The following MLLT3 variants were observed in gnomAD, a reference collection of about 807,000 sequenced individuals.
The protein encoded by MLLT3 is MLLT3 super elongation complex subunit.
MLLT3 carries 4 observed loss-of-function variants against 53.2 expected under a neutral mutation model. That is an observed-to-expected ratio of 0.08 (90% CI 0.04 to 0.17). The LOEUF is 0.17. Among genes scored for constraint, MLLT3 ranks in the 10% least tolerant of loss-of-function variants. MLLT3 has a pLI of 1.00. For synonymous variants in MLLT3, 283 were observed against 230.6 expected, an observed-to-expected ratio of 1.23 and a Z score of -2.06; for missense variants, 569 against 684.0, an observed-to-expected ratio of 0.83 and a Z score of 1.87.
At chr9:20,420,040 G>A (rs1371493062) in intron 4 of MLLT3, among the ~76,000 whole-genome samples, 1 of 152,118 alleles carries the variant, frequency 6.6e-6, no homozygotes, top group Non-Finnish European at 1.5e-5. Flanking sequence ...GAAAGAAAGT[G>A]CTGGTATCTT....
At chr9:20,510,885 C>T (rs953264784) in intron 2 of MLLT3, among the ~76,000 whole-genome samples, 2 of 152,100 alleles carry the variant, frequency 1.3e-5, no homozygotes, top group Non-Finnish European at 2.9e-5. Context: ...GAATGCTTTG[C>T]CATTACTGCT....
intron 2 of MLLT3, among the ~76,000 whole-genome samples, chr9:20,465,537 T>A (rs1249225791): frequency 6.6e-6 from 1 of 152,094 alleles, no homozygotes; most frequent in Non-Finnish European, 1.5e-5. Flanking sequence ...TATAAAATAA[T>A]CAAATATAAT....
chr9:20,566,001 T>C (rs1199118166), intron 2 of MLLT3, among the ~76,000 whole-genome samples: 1 of 132,502 alleles, frequency 7.5e-6, no homozygotes. Flanking sequence ...TATATTTATT[T>C]ATATATATAT....
chr9:20,460,261 T>C (rs867190253), intron 2 of MLLT3, among the ~76,000 whole-genome samples: 1 of 152,186 alleles, frequency 6.6e-6, no homozygotes, highest in Non-Finnish European at 1.5e-5. Flanking sequence ...TTCCTCTTGA[T>C]TGTTCAAGAA....
At chr9:20,609,597 G>C (rs1281601501) in intron 2 of MLLT3, among the ~76,000 whole-genome samples, 1 of 152,118 alleles carries the variant, frequency 6.6e-6, no homozygotes, top group Non-Finnish European at 1.5e-5. Flanking sequence ...GCATGGTCAA[G>C]AGCCATAATT....
intron 2 of MLLT3, among the ~76,000 whole-genome samples, chr9:20,535,236 T>C (rs558158528): frequency 7.2e-5 from 11 of 152,196 alleles, no homozygotes; most frequent in Non-Finnish European, 1.3e-4. Flanking sequence ...ATCTTGGTTG[T>C]GCACTCCTTA....
intron 2 of MLLT3, among the ~76,000 whole-genome samples, chr9:20,604,879 C>T (rs1414019009): frequency 6.6e-6 from 1 of 152,092 alleles, no homozygotes; most frequent in Non-Finnish European, 1.5e-5. Flanking sequence ...CTTTTATTCA[C>T]ATATATGGCC....
chr9:20,395,333 T>G (rs930154183), intron 5 of MLLT3, among the ~76,000 whole-genome samples: 4 of 152,186 alleles, frequency 2.6e-5, no homozygotes, highest in African/African-American at 9.7e-5. Flanking sequence ...GGATCTTACT[T>G]TGGCTTCATG....
chr9:20,528,220 G>A (rs1818249316), intron 2 of MLLT3, among the ~76,000 whole-genome samples: 1 of 152,146 alleles, frequency 6.6e-6, no homozygotes, highest in Non-Finnish European at 1.5e-5. Context: ...CTATACCACT[G>A]GGTGTGTGTA....
chr9:20,464,777 T>A (rs1824193922), intron 2 of MLLT3, among the ~76,000 whole-genome samples: 1 of 152,106 alleles, frequency 6.6e-6, no homozygotes, highest in South Asian at 2.1e-4. Context: ...CCAGCACTAC[T>A]TAGCCCCTTA....
chr9:20,543,202 A>G (rs916925252), intron 2 of MLLT3, among the ~76,000 whole-genome samples: 1 of 152,186 alleles, frequency 6.6e-6, no homozygotes, highest in African/African-American at 2.4e-5. Flanking sequence ...GAAGGAGCAC[A>G]TTTAGTTTCC....
At position 20,587,420 on chromosome 9, in the gene MLLT3, C is replaced by A. The variant is rs892748981; in HGVS notation, c.193+33234G>T. ...TGACGGAAACTTTTTCACTGCATGG[C>A]CTTCAGTGCATAAGAGAGCCAAAAC... On this transcript the variant is annotated intron_variant, in intron 2 of 10. Transcript: ENST00000380338. Among the ~76,000 whole-genome samples, 18 of 152,112 alleles carry A rather than the reference C, an allele frequency of 1.2e-4. 1 individual carries two copies. Among genetic ancestry groups the A allele is most frequent in the Non-Finnish European group, 2.6e-4 (18 of 68,026 alleles).
Position 20,343,231 on chromosome 9 carries a change from T to A in MLLT3, c.*3212A>T. On this transcript the variant is annotated 3_prime_UTR_variant, in exon 11 of 11. Coordinates refer to ENST00000380338, the MANE Select transcript of MLLT3 (RefSeq NM_004529.4). ...AAAAAAAAATTTTGAAGAAACTTTT[T>A]AGTGGAAGAAAACCAATATTACTGG... 6.2e-6 allele frequency: 1 copy of A among 162,366 alleles called. No homozygotes were observed. The highest frequency in any genetic ancestry group is 1.1e-5 in the Non-Finnish European group (1 of 88,116). 10.1% of individuals were successfully genotyped at this position (162,366 alleles called of 1,614,324 possible). A position where few individuals can be genotyped will look rare whatever the true frequency, so the allele number is the denominator to read the frequency against.
intron 2 of MLLT3, among the ~76,000 whole-genome samples, chr9:20,531,415 T>G (rs1048741120): frequency 6.6e-6 from 1 of 152,196 alleles, no homozygotes. Context: ...GGATTACAGG[T>G]GTGAGCCACT....
intron 4 of MLLT3, among the ~76,000 whole-genome samples, chr9:20,430,794 A>T (rs1823248654): frequency 6.6e-6 from 1 of 152,234 alleles, no homozygotes; most frequent in South Asian, 2.1e-4. Flanking sequence ...TAAAGTAAAA[A>T]AGCCACTAAC....
intron 2 of MLLT3, among the ~76,000 whole-genome samples, chr9:20,511,602 G>A (rs1479204883): frequency 6.6e-6 from 1 of 152,220 alleles, no homozygotes; most frequent in African/African-American, 2.4e-5. Flanking sequence ...AGGACAGCTA[G>A]AGCCCAGGAT....
chr9:20,607,660 C>T (rs72701944), intron 2 of MLLT3, among the ~76,000 whole-genome samples: 21,824 of 151,968 alleles, frequency 0.14, 1,704 homozygotes, highest in Middle Eastern at 0.2. Context: ...AAATCATCTA[C>T]TACTAAAGGG....
At chr9:20,612,686 A>AAT (rs148833460) in intron 2 of MLLT3, among the ~76,000 whole-genome samples, 6,954 of 151,952 alleles carry the variant, frequency 0.046, 241 homozygotes, top group Middle Eastern at 0.12. Flanking sequence ...CAAAATAGTC[A>AAT]ATATATATAT....
In MLLT3 at chr9:20,346,391, AAAC is replaced by A; in HGVS notation, c.*49_*51del. On this transcript the variant is annotated 3_prime_UTR_variant, in exon 11 of 11. Coordinates refer to ENST00000380338, the MANE Select transcript of MLLT3 (RefSeq NM_004529.4). Reference sequence around the variant, plus strand: ...AAAAAATCACAACCAAAAAAAAAAAAAACCAAAAAAAAAAAACACAATAGTTCT... The same window carrying A: ...AAAAAATCACAACCAAAAAAAAAAAACAAAAAAAAAAAACACAATAGTTCT... 6.8e-7 allele frequency: 1 copy of A among 1,471,442 alleles called. No individual in the cohort carries two copies. Among genetic ancestry groups the A allele is most frequent in the Non-Finnish European group, 9.0e-7 (1 of 1,106,712 alleles). The allele number at this position is 1,471,442 out of a possible 1,614,324, so 91.1% of individuals were successfully genotyped here. A position where few individuals can be genotyped will look rare whatever the true frequency, so the allele number is the denominator to read the frequency against.
Sources: allele counts gnomAD v4.1 joint callset (sites outside exome capture counted in the v4.1 genomes callset), GRCh38; gene constraint gnomAD v4.1.1; transcripts MANE v1.5; gene names NCBI Gene and HGNC (gene_info 2026-07-23, HGNC 2026-07-21).